Variants in CDH7 observed in about 807,000 individuals in gnomAD.
CDH7 encodes cadherin 7, also known as cadherin-7.
A neutral mutation model predicts 71.8 loss-of-function variants in CDH7; 25 were observed. The observed-to-expected ratio is 0.35, with a 90% CI of 0.25 to 0.49. The LOEUF (loss-of-function observed/expected upper bound fraction) is 0.49, where lower values mean the gene tolerates loss of function less well. Ranked by LOEUF, CDH7 falls within the 20% of genes least tolerant of loss-of-function variation. The pLI, the probability that CDH7 is intolerant of heterozygous loss-of-function variation, is 0.99. For synonymous variants in CDH7, 381 were observed against 363.8 expected (o/e 1.05, Z -0.54); for missense variants, 862 against 974.6 (o/e 0.88, Z 1.54).
rs528419162 is a variant in CDH7, at chr18:65,786,690, CTT to C, written c.211-23008_211-23007del. On this transcript the variant is annotated intron_variant, in intron 2 of 11. Transcript: ENST00000397968. ...CTTCTTTTTCTCTCTCTCTCTTTCT[CTT>C]TTTTTCTTTGAGATAAGATCTTGCT... 2.4e-3 allele frequency among the ~76,000 whole-genome samples: 368 copies of C among 152,100 alleles called. 1 individual carries two copies. The highest frequency in any genetic ancestry group is 3.4e-3 in the Middle Eastern group (1 of 294).
intron 1 of CDH7, among the ~76,000 whole-genome samples, chr18:65,759,386 A>G (rs1916123520): frequency 6.6e-6 from 1 of 151,416 alleles, no homozygotes. Context: ...CTGGGATTAT[A>G]GGTGTGTGGC....
chr18:65,810,902 C>T (rs1425237016), intron 3 of CDH7, among the ~76,000 whole-genome samples: 4 of 152,062 alleles, frequency 2.6e-5, no homozygotes, highest in African/African-American at 7.2e-5. Flanking sequence ...TTTGTCATCG[C>T]GCCATTACTA....
At position 65,886,899 on chromosome 18, in the gene CDH7, A is replaced by C. The variant is rs574443356; in HGVS notation, c.*6005A>C. 58 of 152,240 alleles carry C rather than the reference A, an allele frequency of 3.8e-4. No individual in the cohort carries two copies. The highest frequency in any genetic ancestry group is 6.9e-4 in the Non-Finnish European group (47 of 67,994). 9.4% of individuals were successfully genotyped at this position (152,240 alleles called of 1,614,324 possible). A position where few individuals can be genotyped will look rare whatever the true frequency, so the allele number is the denominator to read the frequency against. ...GAAACTAAAAAATAATATATAATGGATATTACTTTTTGTCAGTGATGCCAA... is the reference window on the plus strand; with the variant it reads ...GAAACTAAAAAATAATATATAATGGCTATTACTTTTTGTCAGTGATGCCAA... On this transcript the variant is annotated 3_prime_UTR_variant, in exon 12 of 12. Coordinates refer to ENST00000397968, the MANE Select transcript of CDH7 (RefSeq NM_004361.5).
chr18:65,778,838 A>G (rs1348604223), intron 2 of CDH7, among the ~76,000 whole-genome samples: 9 of 151,900 alleles, frequency 5.9e-5, no homozygotes, highest in Admixed American at 5.9e-4. Context: ...AAACACACTC[A>G]TTTAATGTTT....
intron 2 of CDH7, among the ~76,000 whole-genome samples, chr18:65,796,195 T>G (rs1386546948): frequency 2.6e-5 from 4 of 152,138 alleles, no homozygotes; most frequent in African/African-American, 9.7e-5. Flanking sequence ...CTTAATCAAA[T>G]TGCAAGCTAG....
chr18:65,787,420 G>A (rs1007218832), intron 2 of CDH7, among the ~76,000 whole-genome samples: 6 of 152,134 alleles, frequency 3.9e-5, no homozygotes, highest in East Asian at 1.9e-4. Context: ...TTTATTGAGC[G>A]TTTGCCACTT....
intron 2 of CDH7, among the ~76,000 whole-genome samples, chr18:65,782,034 C>T (rs1350999306): frequency 3.5e-5 from 2 of 57,546 alleles, no homozygotes; most frequent in African/African-American, 1.6e-4. Flanking sequence ...TTCTCCCTTC[C>T]TTCCTTCCTT....
chr18:65,826,681 C>T (rs1175636105), intron 6 of CDH7, among the ~76,000 whole-genome samples: 1 of 151,188 alleles, frequency 6.6e-6, no homozygotes, highest in Non-Finnish European at 1.5e-5. Flanking sequence ...ATGTAACATT[C>T]AGTAGTTATT....
chr18:65,835,315 T>C (rs1912495588), intron 6 of CDH7, among the ~76,000 whole-genome samples: 1 of 152,144 alleles, frequency 6.6e-6, no homozygotes, highest in Non-Finnish European at 1.5e-5. Flanking sequence ...CAATAAAGTA[T>C]TGTGGACACA....
chr18:65,856,059 A>G (rs558453250), intron 7 of CDH7, among the ~76,000 whole-genome samples: 2 of 152,204 alleles, frequency 1.3e-5, no homozygotes, highest in Admixed American at 6.5e-5. Flanking sequence ...AGTGTTGTGG[A>G]GAGGAGTCCA....
In CDH7 at chr18:65,874,046, C is replaced by T. The variant is rs114818326; in HGVS notation, c.1865-6355C>T. On this transcript the variant is annotated intron_variant, in intron 11 of 11. Coordinates refer to ENST00000397968, the MANE Select transcript of CDH7 (RefSeq NM_004361.5). ...CAAATATTTATTGAGCACATACTTA[C>T]TATCATGTATTATTCTTTGTGCTTA... Among the ~76,000 whole-genome samples the T allele has an allele frequency of 2.7e-3, 411 of 152,250 alleles. 3 individuals are homozygous for T. Among genetic ancestry groups the T allele is most frequent in the African/African-American group, 9.2e-3 (381 of 41,568 alleles).
chr18:65,886,024 C>G lies in CDH7; in HGVS notation c.*5130C>G, dbSNP rs2144083905. On this transcript the variant is annotated 3_prime_UTR_variant, in exon 12 of 12. Transcript: ENST00000397968. Reference sequence around the variant, plus strand: ...TGGGCTTTGGTGTCAGTGTGGTATACCAGAAATTACCTCTGGTCTGTGGTT... The same window carrying G: ...TGGGCTTTGGTGTCAGTGTGGTATAGCAGAAATTACCTCTGGTCTGTGGTT... The G allele has an allele frequency of 6.6e-6, 1 of 152,172 alleles. No individual in the cohort carries two copies. The highest frequency in any genetic ancestry group is 3.4e-3 in the Middle Eastern group (1 of 294). The allele number at this position is 152,172 out of a possible 1,614,324, so 9.4% of individuals were successfully genotyped here. A position where few individuals can be genotyped will look rare whatever the true frequency, so the allele number is the denominator to read the frequency against.
rs879658195 is a variant in CDH7, at chr18:65,781,770, C to CTTG, written c.210+18718_210+18719insTTG. Among the ~76,000 whole-genome samples the CTTG allele has an allele frequency of 2.5e-5, 2 of 79,044 alleles. 1 individual carries two copies. The allele number at this position is 79,044 out of a possible 152,430, so 51.9% of individuals were successfully genotyped here. A position where few individuals can be genotyped will look rare whatever the true frequency, so the allele number is the denominator to read the frequency against. On this transcript the variant is annotated intron_variant, in intron 2 of 11. Transcript: ENST00000397968. ...GGTTGATTTCTTTCTTTCTTTCTTT[C>CTTG]CTTCCTTCCTTCCTTCCTTCCTTCC...
intron 2 of CDH7, among the ~76,000 whole-genome samples, chr18:65,783,397 A>G (rs1450244559): frequency 6.6e-6 from 1 of 152,222 alleles, no homozygotes; most frequent in Admixed American, 6.5e-5. Context: ...TCTGAAAACA[A>G]AGGATTTTTA....
At chr18:65,858,476 A>G (rs1488889101) in intron 8 of CDH7, among the ~76,000 whole-genome samples, 4 of 152,076 alleles carry the variant, frequency 2.6e-5, no homozygotes, top group Non-Finnish European at 5.9e-5. Context: ...ATACAAATGT[A>G]TAGTCATGCA....
At position 65,884,790 on chromosome 18, in the gene CDH7, C is replaced by T. The variant is rs1914326959; in HGVS notation, c.*3896C>T. ...TAAAGCACTAGCTGTAAATATTAATCTTCAGATTTTCAATTTAACATGTAT... is the reference window on the plus strand; with the variant it reads ...TAAAGCACTAGCTGTAAATATTAATTTTCAGATTTTCAATTTAACATGTAT... On this transcript the variant is annotated 3_prime_UTR_variant, in exon 12 of 12. Transcript: ENST00000397968. 6.6e-6 allele frequency: 1 copy of T among 152,146 alleles called. No individual in the cohort carries two copies. The highest frequency in any genetic ancestry group is 2.4e-5 in the African/African-American group (1 of 41,450). The allele number at this position is 152,146 out of a possible 1,614,324, so 9.4% of individuals were successfully genotyped here.
chr18:65,867,570 G>T (rs1273428873), intron 11 of CDH7, among the ~76,000 whole-genome samples: 4 of 151,938 alleles, frequency 2.6e-5, no homozygotes, highest in African/African-American at 7.3e-5. Context: ...TAAAAATATG[G>T]TTTCAATATT....
intron 11 of CDH7, among the ~76,000 whole-genome samples, chr18:65,870,401 A>G (rs1913893133): frequency 6.6e-6 from 1 of 152,112 alleles, no homozygotes; most frequent in Non-Finnish European, 1.5e-5. Context: ...TCTGATCACA[A>G]CCAGACAGTG....
intron 4 of CDH7, among the ~76,000 whole-genome samples, chr18:65,818,927 C>T (rs570561778): frequency 2.2e-4 from 33 of 152,262 alleles, no homozygotes; most frequent in African/African-American, 7.9e-4. Flanking sequence ...TACCAAATGG[C>T]TTTAGTTCAT....
Sources: gnomAD v4.1 joint callset for allele counts (sites outside exome capture counted in the v4.1 genomes callset) on GRCh38, gnomAD v4.1.1 for gene constraint, MANE v1.5 for transcripts, NCBI Gene and HGNC (gene_info 2026-07-23, HGNC 2026-07-21) for gene names.